FRMD4B: variants seen among roughly 807,000 people sequenced by gnomAD.
The protein encoded by FRMD4B is FERM domain-containing protein 4B.
Under a neutral mutation model 141.5 loss-of-function variants are expected in FRMD4B, and 74 were observed. The ratio of observed to expected loss-of-function variants is 0.52; its 90% CI spans 0.43 to 0.63. FRMD4B has a LOEUF of 0.63. FRMD4B is among the 30% of genes least tolerant of loss of function. The pLI is 0.00. For missense variants in FRMD4B, 1,366 were observed against 1,253.4 expected (o/e 1.09, Z -1.36); for synonymous variants, 506 against 467.9 (o/e 1.08, Z -1.05).
At chr3:69,231,830 G>A (rs765718415) in intron 7 of FRMD4B, among the ~76,000 whole-genome samples, 7 of 152,200 alleles carry the variant, frequency 4.6e-5, no homozygotes, top group Non-Finnish European at 1.0e-4. Context: ...TATTATTATA[G>A]AAGGTTAAGC....
intron 1 of FRMD4B, among the ~76,000 whole-genome samples, chr3:69,327,426 A>T (rs149742169): frequency 6.6e-6 from 1 of 152,360 alleles, no homozygotes; most frequent in African/African-American, 2.4e-5. Flanking sequence ...CACAAAGCAA[A>T]CAAATCACAT....
At chr3:69,520,413 T>TGGAATATATATATATA (rs1700837606) in intron 1 of FRMD4B, among the ~76,000 whole-genome samples, 1 of 132,368 alleles carries the variant, frequency 7.6e-6, no homozygotes, top group African/African-American at 2.9e-5. Context: ...ATATATATAT[T>TGGAATATATATATATA]TTTTCTGTGA....
chr3:69,492,281 T>G (rs1298867911), intron 1 of FRMD4B, among the ~76,000 whole-genome samples: 16 of 152,202 alleles, frequency 1.1e-4, no homozygotes. Flanking sequence ...TGTTTCTCAC[T>G]GGTGAACAAG....
intron 1 of FRMD4B, among the ~76,000 whole-genome samples, chr3:69,475,197 TTC>T (rs1705964797): frequency 6.6e-6 from 1 of 152,064 alleles, no homozygotes; most frequent in Non-Finnish European, 1.5e-5. Flanking sequence ...TTTTTTCTTT[TTC>T]TTTTTTTTCT....
chr3:69,261,745 TCAC>T (rs2093528822), intron 5 of FRMD4B, among the ~76,000 whole-genome samples: 1 of 152,196 alleles, frequency 6.6e-6, no homozygotes, highest in South Asian at 2.1e-4. Context: ...CGATCTCAGC[TCAC>T]CACAACCTCC....
At chr3:69,320,399 C>T (rs1701958078) in intron 1 of FRMD4B, among the ~76,000 whole-genome samples, 1 of 152,016 alleles carries the variant, frequency 6.6e-6, no homozygotes, top group Non-Finnish European at 1.5e-5. Context: ...TTGAGACCCA[C>T]CTGGGCGACA....
chr3:69,337,835 A>C (rs1157777714), intron 1 of FRMD4B, among the ~76,000 whole-genome samples: 1 of 152,220 alleles, frequency 6.6e-6, no homozygotes, highest in Non-Finnish European at 1.5e-5. Flanking sequence ...GTGGAGAAAT[A>C]GGAACACTTT....
At chr3:69,212,383 A>AAAAAAAAAAAAAAAAAAAAAAAAC (rs2093094209) in intron 11 of FRMD4B, among the ~76,000 whole-genome samples, 1 of 138,364 alleles carries the variant, frequency 7.2e-6, no homozygotes, top group Non-Finnish European at 1.6e-5. Context: ...AAAAAAAAGA[A>AAAAAAAAAAAAAAAAAAAAAAAAC]AAAAAAAAAG....
intron 1 of FRMD4B, among the ~76,000 whole-genome samples, chr3:69,376,292 T>G (rs1481665068): frequency 6.6e-6 from 1 of 152,172 alleles, no homozygotes; most frequent in Non-Finnish European, 1.5e-5. Context: ...GTAAGATGCC[T>G]TAAACAGTGC....
chr3:69,502,114 A>G (rs4264735), intron 1 of FRMD4B, among the ~76,000 whole-genome samples: 70 of 152,304 alleles, frequency 4.6e-4, no homozygotes, highest in African/African-American at 1.6e-3. Flanking sequence ...GCCCAAGGTA[A>G]TTTATAGATT....
chr3:69,428,847 C>T (rs1226529516), intron 2 of FRMD4B, among the ~76,000 whole-genome samples: 2 of 152,112 alleles, frequency 1.3e-5, no homozygotes, highest in Non-Finnish European at 2.9e-5. Context: ...TGTAACTCCC[C>T]ATTCCCTCTT....
At chr3:69,417,677 C>G (rs997740209) in intron 2 of FRMD4B, among the ~76,000 whole-genome samples, 1 of 152,200 alleles carries the variant, frequency 6.6e-6, no homozygotes. Flanking sequence ...ATAAAGCAGA[C>G]ACTATCGCCA....
chr3:69,423,688 C>T (rs755132132), intron 2 of FRMD4B, among the ~76,000 whole-genome samples: 4 of 152,088 alleles, frequency 2.6e-5, no homozygotes, highest in Non-Finnish European at 5.9e-5. Flanking sequence ...TCCTCATGAA[C>T]GGGATTAGTG....
chr3:69,335,413 C>T lies in FRMD4B; in HGVS notation c.163-21896G>A, dbSNP rs139029797. ...TCCGAGACAGAGTCTTGATCTGTTGCCCAGGCTGGAGTGCAGTGGCACGAT... is the reference window on the plus strand; with the variant it reads ...TCCGAGACAGAGTCTTGATCTGTTGTCCAGGCTGGAGTGCAGTGGCACGAT... On this transcript the variant is annotated intron_variant, in intron 1 of 22. Transcript: ENST00000398540. 4.4e-3 allele frequency among the ~76,000 whole-genome samples: 625 copies of T among 143,618 alleles called. 4 individuals are homozygous for T. The highest frequency in any genetic ancestry group is 0.015 in the African/African-American group (560 of 38,188). The allele number at this position is 143,618 out of a possible 152,430, so 94.2% of individuals were successfully genotyped here.
chr3:69,524,582 T>A (rs1242576974), intron 1 of FRMD4B, among the ~76,000 whole-genome samples: 1 of 152,216 alleles, frequency 6.6e-6, no homozygotes, highest in Non-Finnish European at 1.5e-5. Flanking sequence ...GGCTGGGTAA[T>A]ACAGCTCTGC....
chr3:69,381,604 G>C (rs79443038), intron 1 of FRMD4B, among the ~76,000 whole-genome samples: 1,980 of 152,298 alleles, frequency 0.013, 43 homozygotes, highest in African/African-American at 0.045. Flanking sequence ...ATGCCTGAAA[G>C]CTGAGCAGTG....
chr3:69,294,225 T>C (rs6549194), intron 4 of FRMD4B, among the ~76,000 whole-genome samples: 125,753 of 152,158 alleles, frequency 0.83, 52,114 homozygotes, highest in East Asian at 0.97. Flanking sequence ...TGAGTAATTT[T>C]AGGCATTTAA....
chr3:69,498,478 T>C (rs1170866995), intron 1 of FRMD4B, among the ~76,000 whole-genome samples: 1 of 152,134 alleles, frequency 6.6e-6, no homozygotes, highest in Non-Finnish European at 1.5e-5. Context: ...TCTCAAAGGA[T>C]AAGAATATGA....
At chr3:69,179,395 G>C (rs915133196) in intron 21 of FRMD4B, among the ~76,000 whole-genome samples, 1 of 152,108 alleles carries the variant, frequency 6.6e-6, no homozygotes, top group East Asian at 1.9e-4. Context: ...TTCTGCCCAG[G>C]TTTGACCTGT....
Sources: gnomAD v4.1 joint callset for allele counts (sites outside exome capture counted in the v4.1 genomes callset) on GRCh38, gnomAD v4.1.1 for gene constraint, MANE v1.5 for transcripts, NCBI Gene and HGNC (gene_info 2026-07-23, HGNC 2026-07-21) for gene names.